The following TNKS variants were observed in gnomAD, a reference collection of about 807,000 sequenced individuals.
The protein encoded by TNKS is poly [ADP-ribose] polymerase tankyrase-1.
TNKS carries 72 observed loss-of-function variants against 135.8 expected under a neutral mutation model. The ratio of observed to expected loss-of-function variants is 0.53; its 90% CI spans 0.44 to 0.64. The LOEUF (loss-of-function observed/expected upper bound fraction) is 0.64, where lower values mean the gene tolerates loss of function less well. TNKS is among the 30% of genes least tolerant of loss of function. The probability of loss-of-function intolerance (pLI) is 0.00; values close to 1 mark genes in which losing one functional copy is unlikely to be tolerated. For missense variants in TNKS, 1,769 were observed against 1,674.0 expected, an observed-to-expected ratio of 1.06 and a Z score of -0.99; for synonymous variants, 849 against 649.3, an observed-to-expected ratio of 1.31 and a Z score of -4.68.
intron 1 of TNKS, among the ~76,000 whole-genome samples, chr8:9,564,444 T>C (rs534404997): frequency 6.6e-6 from 1 of 152,140 alleles, no homozygotes; most frequent in African/African-American, 2.4e-5. Context: ...TCTGAGAAAA[T>C]AAATTTTATT....
chr8:9,579,510 C>A (rs1798088409), intron 1 of TNKS, among the ~76,000 whole-genome samples: 1 of 151,876 alleles, frequency 6.6e-6, no homozygotes, highest in African/African-American at 2.4e-5. Flanking sequence ...GCACTATTGC[C>A]CAGGCTGGAA....
chr8:9,715,866 T>A (rs1804577835), intron 11 of TNKS, among the ~76,000 whole-genome samples: 1 of 152,166 alleles, frequency 6.6e-6, no homozygotes, highest in Admixed American at 6.6e-5. Context: ...AGGAAAGACA[T>A]GAAGACTTTA....
chr8:9,745,652 G>A lies in TNKS; in HGVS notation c.2644-2372G>A, dbSNP rs191153485. Reference sequence around the variant, plus strand: ...ACTCCTGACCTCAAATGATCTGCTGGCCTCGGCCTCCCAAAGTGGTGGGAT... The same window carrying A: ...ACTCCTGACCTCAAATGATCTGCTGACCTCGGCCTCCCAAAGTGGTGGGAT... On this transcript the variant is annotated intron_variant, in intron 17 of 26. Coordinates refer to ENST00000310430, the MANE Select transcript of TNKS (RefSeq NM_003747.3). Among the ~76,000 whole-genome samples, 21 of 152,206 alleles carry A rather than the reference G, an allele frequency of 1.4e-4. No individual in the cohort carries two copies. The East Asian group carries it at 2.7e-3, about 20-fold the overall frequency.
intron 20 of TNKS, among the ~76,000 whole-genome samples, chr8:9,759,154 C>CA (rs1807008413): frequency 3.3e-5 from 5 of 152,032 alleles, no homozygotes; most frequent in African/African-American, 1.2e-4. Context: ...GTCACTAGGC[C>CA]AGCCTGCACT....
intron 17 of TNKS, among the ~76,000 whole-genome samples, chr8:9,746,125 A>G (rs540935901): frequency 6.6e-6 from 1 of 152,320 alleles, no homozygotes; most frequent in Admixed American, 6.5e-5. Flanking sequence ...TGAGTTAATT[A>G]TCCAAACTGA....
In TNKS at chr8:9,765,852, T is replaced by G. The variant is rs967226493; in HGVS notation, c.3553+55T>G. 2.1e-6 allele frequency: 3 copies of G among 1,441,404 alleles called. No homozygotes were observed. The African/African-American group carries it at 4.2e-5, about 20-fold the overall frequency. The allele number at this position is 1,441,404 out of a possible 1,614,324, so 89.3% of individuals were successfully genotyped here. A position where few individuals can be genotyped will look rare whatever the true frequency, so the allele number is the denominator to read the frequency against. ...CTCCCTGGGCCTTTGCAGGAGTCAG[T>G]AAAGGGAAAAACCTACGTTAAATTG... On this transcript the variant is annotated intron_variant, in intron 24 of 26. Transcript: ENST00000310430.
intron 14 of TNKS, among the ~76,000 whole-genome samples, chr8:9,731,460 CAAAAAAA>C (rs36213271): frequency 8.9e-5 from 6 of 67,510 alleles, no homozygotes; most frequent in East Asian, 5.3e-4. Flanking sequence ...AATTCCATCT[CAAAAAAA>C]AAAAAAAAAA....
chr8:9,674,608 A>G (rs1802457053), intron 3 of TNKS, among the ~76,000 whole-genome samples: 1 of 152,202 alleles, frequency 6.6e-6, no homozygotes, highest in South Asian at 2.1e-4. Flanking sequence ...GTGCCTACTG[A>G]ATACCTGAAA....
intron 5 of TNKS, among the ~76,000 whole-genome samples, chr8:9,697,299 C>G (rs956506462): frequency 2.0e-5 from 3 of 152,070 alleles, no homozygotes; most frequent in Admixed American, 6.5e-5. Flanking sequence ...CAAAAGTTAA[C>G]TCAATATGGA....
intron 5 of TNKS, among the ~76,000 whole-genome samples, chr8:9,701,982 T>C (rs1803825760): frequency 1.3e-5 from 2 of 152,176 alleles, no homozygotes; most frequent in Admixed American, 6.5e-5. Context: ...CTGTAATAGT[T>C]TCTGTTGCCA....
intron 3 of TNKS, among the ~76,000 whole-genome samples, chr8:9,671,692 A>C (rs529503541): frequency 6.6e-6 from 1 of 152,206 alleles, no homozygotes; most frequent in East Asian, 1.9e-4. Context: ...ACACAGCTGT[A>C]TAAGTTTTTC....
rs1563189779 is a variant in TNKS at position 9,720,364 on chromosome 8, G to A, written c.1750-10G>A. 1 of 1,581,412 alleles carries A rather than the reference G, an allele frequency of 6.3e-7. No individual in the cohort carries two copies. The highest frequency in any genetic ancestry group is 8.6e-7 in the Non-Finnish European group (1 of 1,163,058). ...GCTCAATTCCATGTGCCCACGCAAT[G>A]ATTTTTCAGATGAATGCACTGGACA... On this transcript the variant is annotated splice_polypyrimidine_tract_variant and intron_variant, in intron 11 of 26. Transcript: ENST00000310430.
chr8:9,761,379 TA>T, intron 20 of TNKS, 136 bp from the exon 21 acceptor site: 1 of 835,738 alleles, frequency 1.2e-6, no homozygotes, highest in Non-Finnish European at 1.8e-6. Context: ...AAAAAAATTG[TA>T]AGCTCATGTT....
chr8:9,656,350 G>T (rs1256860254), intron 3 of TNKS, among the ~76,000 whole-genome samples: 1 of 152,182 alleles, frequency 6.6e-6, no homozygotes, highest in East Asian at 1.9e-4. Flanking sequence ...CCCAAACCTA[G>T]CAAGGCAGGC....
At chr8:9,673,599 A>G (rs1033520929) in intron 3 of TNKS, among the ~76,000 whole-genome samples, 11 of 151,754 alleles carry the variant, frequency 7.2e-5, no homozygotes, top group African/African-American at 2.2e-4. Context: ...ACGTGCCACC[A>G]CGCCCAGCTA....
chr8:9,679,846 C>G (rs1299882667), intron 3 of TNKS, 105 bp from the exon 4 acceptor site: 2 of 964,524 alleles, frequency 2.1e-6, no homozygotes, highest in Admixed American at 3.7e-5. Context: ...GGTGTGGACT[C>G]TCTTTTTCTG....
At chr8:9,630,117 A>T (rs1382443988) in intron 3 of TNKS, among the ~76,000 whole-genome samples, 1 of 152,182 alleles carries the variant, frequency 6.6e-6, no homozygotes, top group Non-Finnish European at 1.5e-5. Context: ...CACTGTCTGC[A>T]GTGATTTCAT....
intron 2 of TNKS, among the ~76,000 whole-genome samples, chr8:9,592,156 T>C (rs1298508525): frequency 1.3e-5 from 2 of 152,244 alleles, no homozygotes; most frequent in African/African-American, 4.8e-5. Context: ...GGCAAGTATA[T>C]TTCCAAAATT....
At chr8:9,685,792 ATATCTGGCTGAAAAT>A (rs1024699013) in intron 5 of TNKS, among the ~76,000 whole-genome samples, 24 of 152,344 alleles carry the variant, frequency 1.6e-4, no homozygotes, top group African/African-American at 5.5e-4. Flanking sequence ...TTAAAAATTA[ATATCTGGCTGAAAAT>A]AATGCCATAT....
Sources: gnomAD v4.1 joint callset for allele counts (sites outside exome capture counted in the v4.1 genomes callset) on GRCh38, gnomAD v4.1.1 for gene constraint, MANE v1.5 for transcripts, NCBI Gene and HGNC (gene_info 2026-07-23, HGNC 2026-07-21) for gene names.